FNDC3B: variants seen among roughly 807,000 people sequenced by gnomAD.
FNDC3B encodes fibronectin type III domain-containing protein 3B.
Under a neutral mutation model 151.5 loss-of-function variants are expected in FNDC3B, and 12 were observed. The ratio of observed to expected loss-of-function variants is 0.08; its 90% CI spans 0.05 to 0.13. The LOEUF is 0.13. FNDC3B is among the 10% of genes least tolerant of loss of function. The pLI, the probability that FNDC3B is intolerant of heterozygous loss-of-function variation, is 1.00. For missense variants in FNDC3B, 1,214 were observed against 1,505.3 expected (o/e 0.81, Z 3.20); for synonymous variants, 528 against 549.0 (o/e 0.96, Z 0.54).
chr3:172,088,269 T>C (rs1449825121), intron 1 of FNDC3B, among the ~76,000 whole-genome samples: 1 of 152,222 alleles, frequency 6.6e-6, no homozygotes, highest in African/African-American at 2.4e-5. Context: ...ACCACAGAAG[T>C]TCATATTAGA....
chr3:172,118,499 G>A (rs960273041), intron 2 of FNDC3B, among the ~76,000 whole-genome samples: 4 of 152,278 alleles, frequency 2.6e-5, no homozygotes, highest in South Asian at 2.1e-4. Flanking sequence ...CTCTTGAGAC[G>A]ATTACCCAGG....
chr3:172,198,404 A>G (rs1724962134), intron 3 of FNDC3B, among the ~76,000 whole-genome samples: 1 of 152,216 alleles, frequency 6.6e-6, no homozygotes, highest in Non-Finnish European at 1.5e-5. Flanking sequence ...GCATAAAAAC[A>G]CATATTTATT....
At chr3:172,290,607 T>C (rs1730276379) in intron 7 of FNDC3B, among the ~76,000 whole-genome samples, 1 of 152,230 alleles carries the variant, frequency 6.6e-6, no homozygotes, top group South Asian at 2.1e-4. Flanking sequence ...CATCCGCGAA[T>C]GTTTAGCTTG....
chr3:172,253,494 C>T (rs556902677), intron 6 of FNDC3B, among the ~76,000 whole-genome samples: 4 of 152,170 alleles, frequency 2.6e-5, no homozygotes, highest in Non-Finnish European at 5.9e-5. Context: ...CCTTCTTTCT[C>T]ATCCTTACAG....
intron 25 of FNDC3B, among the ~76,000 whole-genome samples, chr3:172,394,904 G>T (rs1262175254): frequency 3.3e-5 from 5 of 152,128 alleles, no homozygotes; most frequent in Admixed American, 2.6e-4. Flanking sequence ...GATCAAGTAG[G>T]ATTTATCCCT....
intron 3 of FNDC3B, among the ~76,000 whole-genome samples, chr3:172,182,181 A>C (rs1444232248): frequency 6.6e-6 from 1 of 152,192 alleles, no homozygotes; most frequent in East Asian, 1.9e-4. Context: ...ATCCTTTGTC[A>C]GCAGGATGAG....
chr3:172,239,619 C>A (rs1432417340), intron 4 of FNDC3B, among the ~76,000 whole-genome samples: 2 of 151,960 alleles, frequency 1.3e-5, no homozygotes, highest in Non-Finnish European at 2.9e-5. Context: ...TTAATTTTTT[C>A]TTTTGCCTCC....
chr3:172,287,440 A>G (rs552617372), intron 7 of FNDC3B, among the ~76,000 whole-genome samples: 6 of 152,348 alleles, frequency 3.9e-5, no homozygotes, highest in South Asian at 4.1e-4. Context: ...ATGATACTTC[A>G]TGTTGTAGGA....
chr3:172,200,002 T>TATTCATTCATTCATTCATTCATTCATTC (rs1238059887), intron 3 of FNDC3B, among the ~76,000 whole-genome samples: 1 of 150,754 alleles, frequency 6.6e-6, no homozygotes, highest in Non-Finnish European at 1.5e-5. Flanking sequence ...CAATACTTTG[T>TATTCATTCATTCATTCATTCATTCATTC]ATTCATTCAT....
At chr3:172,241,431 A>G (rs550107182) in intron 4 of FNDC3B, among the ~76,000 whole-genome samples, 3 of 152,304 alleles carry the variant, frequency 2.0e-5, no homozygotes, top group East Asian at 1.9e-4. Flanking sequence ...CTGCTAATAA[A>G]GACATTCACA....
chr3:172,192,234 G>A (rs1166239848), intron 3 of FNDC3B, among the ~76,000 whole-genome samples: 1 of 149,622 alleles, frequency 6.7e-6, no homozygotes, highest in Non-Finnish European at 1.5e-5. Flanking sequence ...GTGCAGTGGC[G>A]TGATCTTGGC....
At position 172,139,773 on chromosome 3, in the gene FNDC3B, G is replaced by A. The variant is rs1474262572; in HGVS notation, c.187+6227G>A. Among the ~76,000 whole-genome samples the A allele has an allele frequency of 2.0e-5, 3 of 148,688 alleles. No homozygotes were observed. The East Asian group carries it at 5.9e-4, about 29-fold the overall frequency. Reference sequence around the variant, plus strand: ...ATTTCTTTTTTTTTTTGTTTTTTGAGACAGGGTATCCTGTCTCAAAAACAA... The same window carrying A: ...ATTTCTTTTTTTTTTTGTTTTTTGAAACAGGGTATCCTGTCTCAAAAACAA... On this transcript the variant is annotated intron_variant, in intron 3 of 25. Coordinates refer to ENST00000415807, the MANE Select transcript of FNDC3B (RefSeq NM_022763.4).
intron 3 of FNDC3B, among the ~76,000 whole-genome samples, chr3:172,214,796 G>A (rs1725895536): frequency 6.6e-6 from 1 of 152,184 alleles, no homozygotes; most frequent in South Asian, 2.1e-4. Flanking sequence ...TTAGGATGTT[G>A]TCAATAAAAT....
intron 3 of FNDC3B, among the ~76,000 whole-genome samples, chr3:172,145,766 A>G (rs1037091832): frequency 1.3e-5 from 2 of 151,540 alleles, no homozygotes; most frequent in Admixed American, 1.3e-4. Context: ...ATCTTTGCAG[A>G]TAGTATAAAT....
intron 6 of FNDC3B, among the ~76,000 whole-genome samples, chr3:172,270,269 C>T (rs992887639): frequency 1.3e-5 from 2 of 152,296 alleles, no homozygotes; most frequent in Non-Finnish European, 2.9e-5. Flanking sequence ...CTGTTGTTCC[C>T]TTAAAATTCG....
chr3:172,330,543 G>C lies in FNDC3B; in HGVS notation c.1382G>C (p.Gly461Ala), dbSNP rs369195768. ...LAARNDIGTS[G>A]YSQEVVCYTL... ...TGCCTCACTTTCTTTCTCTACAGTG[G>C]TTATAGCCAAGAGGTGGTGTGCTAC... The change falls in exon 13 of 26, where the codon GGT (glycine) becomes GCT (alanine). Residue 461 changes from glycine (G) to alanine (A), a missense_variant and splice_region_variant. Gly to Ala is a moderately conservative substitution (Grantham distance 60, BLOSUM62 0). This residue lies in a region of FNDC3B where 111 missense variants were observed against 96.8 expected (regional missense o/e 1.15). Coordinates refer to ENST00000415807, the MANE Select transcript of FNDC3B (RefSeq NM_022763.4). The C allele has an allele frequency of 9.3e-6, 15 of 1,611,836 alleles. No individual in the cohort carries two copies. The highest frequency in any genetic ancestry group is 1.3e-5 in the Non-Finnish European group (15 of 1,178,792).
chr3:172,344,956 G>A (rs564116498), intron 19 of FNDC3B, among the ~76,000 whole-genome samples: 3 of 152,252 alleles, frequency 2.0e-5, no homozygotes, highest in East Asian at 1.9e-4. Flanking sequence ...GGGCAGAAGC[G>A]TGTGGGTAAA....
At chr3:172,185,940 T>A (rs1724154714) in intron 3 of FNDC3B, among the ~76,000 whole-genome samples, 1 of 152,194 alleles carries the variant, frequency 6.6e-6, no homozygotes, top group Non-Finnish European at 1.5e-5. Flanking sequence ...GGGACCACAC[T>A]TTCTATTTTG....
At chr3:172,283,887 G>A (rs1479703188) in intron 6 of FNDC3B, among the ~76,000 whole-genome samples, 1 of 152,096 alleles carries the variant, frequency 6.6e-6, no homozygotes, top group Non-Finnish European at 1.5e-5. Context: ...ATGAGCTTGT[G>A]ACATTGGGTC....
Sources: allele counts gnomAD v4.1 joint callset (sites outside exome capture counted in the v4.1 genomes callset), GRCh38; gene constraint gnomAD v4.1.1; regional missense constraint gnomAD v4.1.1; transcripts MANE v1.5; gene names NCBI Gene and HGNC (gene_info 2026-07-23, HGNC 2026-07-21).